Variants in MCPH1 observed in about 807,000 individuals in gnomAD.
MCPH1 encodes microcephalin.
MCPH1 carries 104 observed loss-of-function variants against 84.5 expected under a neutral mutation model. That is an observed-to-expected ratio of 1.23 (90% confidence interval 1.05 to 1.45). MCPH1 has a LOEUF of 1.45. Ranked by LOEUF, MCPH1 falls within the 40% of genes most tolerant of loss-of-function variation. The probability of loss-of-function intolerance (pLI) is 0.00; values close to 1 mark genes in which losing one functional copy is unlikely to be tolerated. For missense variants in MCPH1, 1,498 were observed against 1,005.7 expected (o/e 1.49, Z -6.62); for synonymous variants, 514 against 366.8 (o/e 1.40, Z -4.58).
intron 12 of MCPH1, chr8:6,502,967 A>G: frequency 4.0e-6 from 4 of 988,970 alleles, no homozygotes; most frequent in Non-Finnish European, 4.5e-6. Flanking sequence ...AATCTGGAGC[A>G]TGTGGGTCCC....
At chr8:6,629,549 A>T (rs1014677350) in intron 13 of MCPH1, among the ~76,000 whole-genome samples, 4 of 152,226 alleles carry the variant, frequency 2.6e-5, no homozygotes, top group African/African-American at 9.6e-5. Flanking sequence ...CTCAGGGAGA[A>T]GGTGGCCATC....
At chr8:6,485,787 C>G (rs2922811) in intron 11 of MCPH1, among the ~76,000 whole-genome samples, 93,292 of 151,914 alleles carry the variant, frequency 0.61, 31,076 homozygotes, top group East Asian at 0.78. Flanking sequence ...AGGTATATCA[C>G]ACATATATAA....
intron 4 of MCPH1, among the ~76,000 whole-genome samples, chr8:6,435,184 G>T (rs1408576955): frequency 6.6e-6 from 1 of 152,148 alleles, no homozygotes; most frequent in African/African-American, 2.4e-5. Context: ...CATAATCATG[G>T]TTCTTTTCTT....
chr8:6,478,043 T>G (rs1808711031), intron 10 of MCPH1, among the ~76,000 whole-genome samples: 1 of 152,252 alleles, frequency 6.6e-6, no homozygotes, highest in African/African-American at 2.4e-5. Context: ...CTTGTTGGCA[T>G]GCTCTTATCA....
At chr8:6,432,104 C>T (rs1423931231) in intron 4 of MCPH1, among the ~76,000 whole-genome samples, 1 of 152,180 alleles carries the variant, frequency 6.6e-6, no homozygotes, top group African/African-American at 2.4e-5. Flanking sequence ...ATAGTATTTG[C>T]ATGTAACCTA....
chr8:6,500,970 G>T (rs915881065), intron 12 of MCPH1: 2 of 152,148 alleles, frequency 1.3e-5, no homozygotes, highest in South Asian at 4.1e-4. Context: ...TTGTCATTGA[G>T]ATATCCTAGA....
At chr8:6,610,540 A>T (rs1830171401) in intron 12 of MCPH1, among the ~76,000 whole-genome samples, 1 of 152,216 alleles carries the variant, frequency 6.6e-6, no homozygotes, top group Non-Finnish European at 1.5e-5. Context: ...TCCTTTCTGC[A>T]GTGACAAAAT....
At chr8:6,626,217 C>CAGGG in intron 13 of MCPH1, 1 of 985,400 alleles carries the variant, frequency 1.0e-6, no homozygotes, top group Non-Finnish European at 1.2e-6. Context: ...TGGCATAGAA[C>CAGGG]AGGGAGTGGA....
intron 2 of MCPH1, among the ~76,000 whole-genome samples, chr8:6,414,167 C>T (rs1174292095): frequency 1.3e-5 from 2 of 151,980 alleles, no homozygotes; most frequent in African/African-American, 2.4e-5. Context: ...CACCTTGCAC[C>T]CGGATAATTT....
chr8:6,598,337 G>A (rs767729534), intron 12 of MCPH1, among the ~76,000 whole-genome samples: 1 of 152,214 alleles, frequency 6.6e-6, no homozygotes, highest in Non-Finnish European at 1.5e-5. Flanking sequence ...ACTCATGCAG[G>A]GAGGGGAGGG....
In MCPH1 at chr8:6,455,238, G is replaced by A. The variant is rs763630479; in HGVS notation, c.1921G>A (p.Gly641Arg). ...ACCTCATGAGGAATTGAAGAAAAGT[G>A]GGAGAGGCAAAAAGGTCAGTGTGTA... ...IKPHEELKKS[G>R]RGKKPTRTLV... is the part of the protein sequence containing the mutation. Residue 641 changes from glycine to arginine, a missense_variant, in exon 9 of 14, where the codon GGG (glycine) becomes AGG (arginine). Transcript: ENST00000344683. 12 of 1,612,230 alleles carry A rather than the reference G, an allele frequency of 7.4e-6. No individual in the cohort carries two copies. The South Asian group carries it at 1.2e-4, about 16-fold the overall frequency.
chr8:6,462,775 A>C (rs55650285), intron 9 of MCPH1, among the ~76,000 whole-genome samples: 1,718 of 152,344 alleles, frequency 0.011, 35 homozygotes, highest in African/African-American at 0.04. Flanking sequence ...GTTTGTGCTA[A>C]TTAATTGAGT....
At chr8:6,417,349 G>C (rs1651109313) in intron 3 of MCPH1, among the ~76,000 whole-genome samples, 1 of 152,184 alleles carries the variant, frequency 6.6e-6, no homozygotes. Context: ...CTTGTGGTGT[G>C]AAAGGCGTAA....
intron 13 of MCPH1, chr8:6,625,548 T>C (rs1363424855): frequency 1.1e-6 from 1 of 885,752 alleles, no homozygotes; most frequent in African/African-American, 1.8e-5. Context: ...ATAAATTAAA[T>C]TATGAAAAGA....
At chr8:6,625,228 T>A (rs1586854971) in intron 13 of MCPH1, 1 of 985,452 alleles carries the variant, frequency 1.0e-6, no homozygotes, top group South Asian at 4.7e-5. Context: ...AACAGAGTCA[T>A]AGCCTCCACC....
At chr8:6,627,025 A>G (rs561958046) in intron 13 of MCPH1, 34 of 985,242 alleles carry the variant, frequency 3.5e-5, no homozygotes, top group South Asian at 1.4e-4. Context: ...ATTTTCTTAT[A>G]ACTTATAAAG....
intron 12 of MCPH1, among the ~76,000 whole-genome samples, chr8:6,607,949 C>G (rs922687744): frequency 1.3e-5 from 2 of 152,214 alleles, no homozygotes; most frequent in Non-Finnish European, 2.9e-5. Context: ...GTGATCCATT[C>G]ACGCCCAAGA....
chr8:6,507,244 C>T (rs1385189800), intron 12 of MCPH1, among the ~76,000 whole-genome samples: 1 of 152,134 alleles, frequency 6.6e-6, no homozygotes, highest in Non-Finnish European at 1.5e-5. Context: ...TTGGGTCATC[C>T]ATTTGTTTAA....
chr8:6,562,578 T>TTTTTTTTTA, intron 12 of MCPH1: 1 of 880,184 alleles, frequency 1.1e-6, no homozygotes, highest in Non-Finnish European at 1.6e-6. Context: ...TTTTGGTTGT[T>TTTTTTTTTA]AAAACCTGAG....
Sources: allele counts gnomAD v4.1 joint callset (sites outside exome capture counted in the v4.1 genomes callset), GRCh38; gene constraint gnomAD v4.1.1; transcripts MANE v1.5; gene names NCBI Gene and HGNC (gene_info 2026-07-23, HGNC 2026-07-21).